Variants in CSNK1D observed in about 807,000 individuals in gnomAD.
The protein encoded by CSNK1D is casein kinase 1 delta, also known as casein kinase I isoform delta.
CSNK1D carries 16 observed loss-of-function variants against 46.6 expected under a neutral mutation model. The observed-to-expected ratio is 0.34, with a 90% confidence interval of 0.23 to 0.52. CSNK1D has a LOEUF of 0.52. Among genes scored for constraint, CSNK1D ranks in the 20% least tolerant of loss-of-function variants. CSNK1D has a pLI of 0.95. For synonymous variants in CSNK1D, 276 were observed against 228.2 expected (o/e 1.21, Z -1.89); for missense variants, 398 against 578.4 (o/e 0.69, Z 3.20).
chr17:82,246,811 C>T (rs1160317967), intron 8 of CSNK1D: 6 of 986,520 alleles, frequency 6.1e-6, no homozygotes, highest in African/African-American at 3.5e-5. Context: ...CAGGGAAGAG[C>T]GACGGCCCGA....
At chr17:82,267,791 G>A (rs367964521) in intron 1 of CSNK1D, among the ~76,000 whole-genome samples, 52 of 152,340 alleles carry the variant, frequency 3.4e-4, no homozygotes, top group African/African-American at 9.1e-4. Context: ...CCAAGCAGGC[G>A]CAGTGCAGCC....
rs1448120297 is a variant in CSNK1D, at chr17:82,244,447, G to C, written c.*334C>G. Reference sequence around the variant, plus strand: ...CAAGTAGAAGATTGGTAGTTACAGTGGAATCGTCAGGGAGTACAGGGCGGC... The same window carrying C: ...CAAGTAGAAGATTGGTAGTTACAGTCGAATCGTCAGGGAGTACAGGGCGGC... On this transcript the variant is annotated 3_prime_UTR_variant, in exon 9 of 9. Transcript: ENST00000314028. The C allele has an allele frequency of 3.1e-6, 4 of 1,309,870 alleles. No homozygotes were observed. Among genetic ancestry groups the C allele is most frequent in the Non-Finnish European group, 3.9e-6 (4 of 1,021,702 alleles). 81.1% of individuals were successfully genotyped at this position (1,309,870 alleles called of 1,614,324 possible).
rs1433837213 is a variant in CSNK1D at position 82,248,023 on chromosome 17, A to C, written c.1197+852T>G. On this transcript the variant is annotated intron_variant, in intron 8 of 8. Coordinates refer to ENST00000314028, the MANE Select transcript of CSNK1D (RefSeq NM_001893.6). The surrounding 1 kb of genome is among the most constrained non-coding windows in gnomAD (Gnocchi z 4.1). ...CCTGGCTCCATCCTGTGATCCCAAC[A>C]AACACCTCCCCACAAGCCCAGAGCC... 3.0e-6 allele frequency: 3 copies of C among 985,208 alleles called. No homozygotes were observed. The highest frequency in any genetic ancestry group is 1.7e-5 in the African/African-American group (1 of 57,168). The allele number at this position is 985,208 out of a possible 1,614,324, so 61.0% of individuals were successfully genotyped here. A position where few individuals can be genotyped will look rare whatever the true frequency, so the allele number is the denominator to read the frequency against.
rs1328610357 is a variant in CSNK1D at position 82,248,725 on chromosome 17, G to A, written c.1197+150C>T. On this transcript the variant is annotated intron_variant, in intron 8 of 8. Coordinates refer to ENST00000314028, the MANE Select transcript of CSNK1D (RefSeq NM_001893.6). The surrounding 1 kb of genome is among the most constrained non-coding windows in gnomAD (Gnocchi z 4.1). The stretch of plus-strand genomic sequence containing the variant: ...CAGGCCCTCCCGAGAAGCCTCATCT[G>A]CAACCAAGACGCCACACCCTGGCGA... The A allele has an allele frequency of 6.8e-7, 1 of 1,471,916 alleles. No homozygotes were observed. The highest frequency in any genetic ancestry group is 9.0e-7 in the Non-Finnish European group (1 of 1,112,810). The allele number at this position is 1,471,916 out of a possible 1,614,324, so 91.2% of individuals were successfully genotyped here.
chr17:82,265,413 A>C (rs2051443781), intron 2 of CSNK1D: 12 of 438,674 alleles, frequency 2.7e-5, no homozygotes, highest in Non-Finnish European at 5.1e-5. Flanking sequence ...TACTGACCTC[A>C]AATGATCCAC....
At chr17:82,247,716 T>C (rs1284964498) in intron 8 of CSNK1D, 3 of 985,256 alleles carry the variant, frequency 3.0e-6, no homozygotes, top group East Asian at 2.3e-4. Flanking sequence ...ACAGCAGGGT[T>C]GTGTGCACGT....
chr17:82,253,558 A>G (rs2051070217), intron 3 of CSNK1D: 1 of 393,882 alleles, frequency 2.5e-6, no homozygotes, highest in African/African-American at 2.1e-5. Context: ...CTCTGCACAG[A>G]CTACACACCA....
chr17:82,270,308 G>C (rs2051586572), intron 1 of CSNK1D, among the ~76,000 whole-genome samples: 1 of 152,152 alleles, frequency 6.6e-6, no homozygotes, highest in African/African-American at 2.4e-5. Flanking sequence ...CACGCTTCTA[G>C]CCCACAGGCA....
downstream of CSNK1D, chr17:82,239,080 C>T: frequency 8.6e-7 from 1 of 1,159,746 alleles, no homozygotes; most frequent in South Asian, 1.8e-5. Flanking sequence ...CACGGCTGGG[C>T]TCCAGCTGCC....
downstream of CSNK1D, chr17:82,239,103 C>G (rs549596018): frequency 5.2e-4 from 466 of 896,108 alleles, 1 homozygote; most frequent in East Asian, 8.0e-4. Context: ...CCCAGCGGAT[C>G]GTCGCCCGAT....
intron 2 of CSNK1D, among the ~76,000 whole-genome samples, chr17:82,263,676 C>G (rs2051396161): frequency 6.6e-6 from 1 of 152,258 alleles, no homozygotes; most frequent in Admixed American, 6.5e-5. Context: ...CCCTTGTGTA[C>G]CCCTGGCTTG....
chr17:82,264,791 C>T (rs938034706), intron 2 of CSNK1D, among the ~76,000 whole-genome samples: 10 of 148,676 alleles, frequency 6.7e-5, no homozygotes, highest in African/African-American at 2.5e-4. Context: ...GAAATTCACA[C>T]AAAATCTTTT....
rs564627454 is a variant in CSNK1D, at chr17:82,255,705, G to A, written c.188-128C>T. 1,603 of 1,207,182 alleles carry A rather than the reference G, an allele frequency of 1.3e-3. 3 individuals carry two copies. Among genetic ancestry groups the A allele is most frequent in the Non-Finnish European group, 1.7e-3 (1,361 of 823,396 alleles). 74.8% of individuals were successfully genotyped at this position (1,207,182 alleles called of 1,614,324 possible). A position where few individuals can be genotyped will look rare whatever the true frequency, so the allele number is the denominator to read the frequency against. The stretch of plus-strand genomic sequence containing the variant: ...CGGGGGAGGGGTGGTGGAGGTAGAA[G>A]ACCCCGGCAACGCCGCTCCTCAGGG... On this transcript the variant is annotated intron_variant, in intron 2 of 8. Transcript: ENST00000314028. This position sits in a 1 kb window ranked among gnomAD's most constrained non-coding sequence, Gnocchi z 5.9.
chr17:82,244,996 A>T, intron 8 of CSNK1D, 165 bp from the exon 9 acceptor site: 2 of 823,674 alleles, frequency 2.4e-6, no homozygotes, highest in Non-Finnish European at 2.0e-6. Flanking sequence ...TGTGGCTGGG[A>T]CACGTGCTCA....
chr17:82,256,133 G>A (rs946103756), intron 2 of CSNK1D, among the ~76,000 whole-genome samples: 1 of 152,186 alleles, frequency 6.6e-6, no homozygotes. Context: ...AATCAGGGAA[G>A]TGAAAATAAA....
rs1451297072 is a variant in CSNK1D at position 82,251,445 on chromosome 17, G to A, written c.819C>T (p.Phe273=). Reference sequence around the variant, plus strand: ...AGCCCTGGCGATGGAACAGATTCCGGAAAAGCTGCCGCAGGTACGAGTAGT... The same window carrying A: ...AGCCCTGGCGATGGAACAGATTCCGAAAAAGCTGCCGCAGGTACGAGTAGT... ...KPDYSYLRQL[F]RNLFHRQGFS... The change falls in exon 6 of 9, where the codon TTC becomes TTT. Residue 273 remains phenylalanine (F), a synonymous_variant. Coordinates refer to ENST00000314028, the MANE Select transcript of CSNK1D (RefSeq NM_001893.6). This position sits in a 1 kb window ranked among gnomAD's most constrained non-coding sequence, Gnocchi z 4.5. 6.2e-7 allele frequency: 1 copy of A among 1,614,156 alleles called. No individual in the cohort carries two copies. Among genetic ancestry groups the A allele is most frequent in the African/African-American group, 1.3e-5 (1 of 75,034 alleles).
rs1422220965 is a variant in CSNK1D, at chr17:82,243,243, G to T, written c.*1538C>A. The T allele has an allele frequency of 7.1e-6, 7 of 985,434 alleles. No homozygotes were observed. The African/African-American group carries it at 1.0e-4, about 15-fold the overall frequency. The allele number at this position is 985,434 out of a possible 1,614,324, so 61.0% of individuals were successfully genotyped here. A position where few individuals can be genotyped will look rare whatever the true frequency, so the allele number is the denominator to read the frequency against. ...ACGCCAGCCAGTTATGGCATCCGGG[G>T]AACTCTGGGGAGGAGAAGGGAGAAC... On this transcript the variant is annotated 3_prime_UTR_variant, in exon 9 of 9. Coordinates refer to ENST00000314028, the MANE Select transcript of CSNK1D (RefSeq NM_001893.6).
chr17:82,251,269 G>C lies in CSNK1D; in HGVS notation c.885+110C>G. ...ACTACACACTTGCCCTTCACAACCA[G>C]AGACACTCCCTATATGGTACAGCCC... On this transcript the variant is annotated intron_variant, in intron 6 of 8. Transcript: ENST00000314028. The surrounding 1 kb of genome is among the most constrained non-coding windows in gnomAD (Gnocchi z 4.5). The C allele has an allele frequency of 7.5e-7, 1 of 1,329,884 alleles. No individual in the cohort carries two copies. Among genetic ancestry groups the C allele is most frequent in the Non-Finnish European group, 1.1e-6 (1 of 938,088 alleles). 82.4% of individuals were successfully genotyped at this position (1,329,884 alleles called of 1,614,324 possible).
rs1433387790 is a variant in CSNK1D at position 82,250,822 on chromosome 17, A to G, written c.885+557T>C. 5.8e-6 allele frequency: 1 copy of G among 173,608 alleles called. No individual in the cohort carries two copies. Among genetic ancestry groups the G allele is most frequent in the African/African-American group, 2.4e-5 (1 of 41,782 alleles). 10.8% of individuals were successfully genotyped at this position (173,608 alleles called of 1,614,324 possible). ...TGAAGGAACACAACAGTTCCACAGG[A>G]GCTTCATTTCTGACAGCGGTGTCTG... On this transcript the variant is annotated intron_variant, in intron 6 of 8. Transcript: ENST00000314028. The surrounding 1 kb of genome is among the most constrained non-coding windows in gnomAD (Gnocchi z 4.6).
Sources: allele counts gnomAD v4.1 joint callset (sites outside exome capture counted in the v4.1 genomes callset), GRCh38; gene constraint gnomAD v4.1.1; non-coding constraint Gnocchi (gnomAD v3.1); transcripts MANE v1.5; gene names NCBI Gene and HGNC (gene_info 2026-07-23, HGNC 2026-07-21).